TRAPPC8: variants seen among roughly 807,000 people sequenced by gnomAD.
TRAPPC8 encodes the protein general sporulation gene 1 homolog.
TRAPPC8 carries 54 observed loss-of-function variants against 174.3 expected under a neutral mutation model. The ratio of observed to expected loss-of-function variants is 0.31; its 90% CI spans 0.25 to 0.39. The LOEUF is 0.39. Among genes scored for constraint, TRAPPC8 ranks in the 10% least tolerant of loss-of-function variants. TRAPPC8 has a pLI of 1.00. For missense variants in TRAPPC8, 1,531 were observed against 1,699.1 expected (o/e 0.90, Z 1.74); for synonymous variants, 630 against 579.9 (o/e 1.09, Z -1.24).
At chr18:31,913,106 C>G (rs150404351) in intron 5 of TRAPPC8, among the ~76,000 whole-genome samples, 13 of 150,954 alleles carry the variant, frequency 8.6e-5, no homozygotes, top group African/African-American at 2.9e-4. Context: ...CCAGCCTGGG[C>G]GACAGAGCAA....
chr18:31,908,848 G>C lies in TRAPPC8; in HGVS notation c.1028C>G (p.Thr343Ser). 6.2e-7 allele frequency: 1 copy of C among 1,613,738 alleles called. No individual in the cohort carries two copies. Among genetic ancestry groups the C allele is most frequent in the Non-Finnish European group, 8.5e-7 (1 of 1,179,786 alleles). ...AAACTGTCGAATTCTATCATGATCA[G>C]TAAGTGTTAAACATGCACCATGAAT... ...GIIHGACLTL[T>S]DHDRIRQFIQ... Residue 343 changes from threonine (T) to serine (S), a missense_variant, in exon 7 of 29, where the codon ACT becomes AGT. By Grantham distance (58) the Thr-to-Ser change is moderately conservative (BLOSUM62 1). Transcript: ENST00000283351.
intron 18 of TRAPPC8, among the ~76,000 whole-genome samples, chr18:31,866,082 TA>T (rs1467026473): frequency 1.3e-5 from 2 of 152,080 alleles, no homozygotes; most frequent in Non-Finnish European, 2.9e-5. Flanking sequence ...TCAATGTTAA[TA>T]ATCAGCTTTT....
At chr18:31,861,529 A>G (rs937587458) in intron 19 of TRAPPC8, among the ~76,000 whole-genome samples, 1 of 152,216 alleles carries the variant, frequency 6.6e-6, no homozygotes, top group Non-Finnish European at 1.5e-5. Flanking sequence ...TAAACAATGT[A>G]AAAGTAAACC....
At chr18:31,928,169 A>T (rs34888238) in intron 2 of TRAPPC8, among the ~76,000 whole-genome samples, 13,747 of 151,076 alleles carry the variant, frequency 0.091, 842 homozygotes, top group African/African-American at 0.17. Flanking sequence ...AAAATAAAAT[A>T]AAATAAAATA....
In TRAPPC8 at chr18:31,839,336, A is replaced by T. The variant is rs1209403675; in HGVS notation, c.3959T>A (p.Phe1320Tyr). Residue 1320 changes from phenylalanine to tyrosine, a missense_variant, in exon 27 of 29, where the codon TTT becomes TAT. Physicochemically the swap from Phe to Tyr is conservative, Grantham distance 22 (BLOSUM62 3). Coordinates refer to ENST00000283351, the MANE Select transcript of TRAPPC8 (RefSeq NM_014939.5). ...IKTSLHYPESFNHPFHQKSLC... is the reference protein window; with the variant it reads ...IKTSLHYPESYNHPFHQKSLC... ...CCTTTTTTGATGAAATGGATGATTA[A>T]ATGATTCTGGGTAGTGAAGACTCGT... The T allele has an allele frequency of 6.2e-7, 1 of 1,601,500 alleles. No homozygotes were observed. The highest frequency in any genetic ancestry group is 8.5e-7 in the Non-Finnish European group (1 of 1,174,936).
intron 19 of TRAPPC8, among the ~76,000 whole-genome samples, chr18:31,858,405 A>G (rs2034147938): frequency 6.6e-6 from 1 of 152,224 alleles, no homozygotes; most frequent in Non-Finnish European, 1.5e-5. Context: ...AAGATATGCC[A>G]GATTTACTAT....
intron 9 of TRAPPC8, among the ~76,000 whole-genome samples, chr18:31,906,972 T>C (rs904345674): frequency 1.3e-5 from 2 of 152,018 alleles, no homozygotes; most frequent in African/African-American, 4.8e-5. Context: ...TTAAAAATGT[T>C]TGTCAAGGTT....
At chr18:31,938,501 A>G (rs1307707244) in intron 1 of TRAPPC8, among the ~76,000 whole-genome samples, 1 of 152,140 alleles carries the variant, frequency 6.6e-6, no homozygotes, top group African/African-American at 2.4e-5. Context: ...AATAGTACTC[A>G]AATCTCTTCT....
At chr18:31,845,813 T>C (rs2033370624) in intron 26 of TRAPPC8, among the ~76,000 whole-genome samples, 1 of 152,178 alleles carries the variant, frequency 6.6e-6, no homozygotes. Context: ...GGTGGGGCCC[T>C]GAAAATTAAG....
At chr18:31,932,392 A>G (rs565573884) in intron 1 of TRAPPC8, among the ~76,000 whole-genome samples, 1 of 151,316 alleles carries the variant, frequency 6.6e-6, no homozygotes, top group East Asian at 1.9e-4. Context: ...GCACTGCTGC[A>G]CTCTAGCTTG....
chr18:31,905,972 A>G (rs1160353449), intron 9 of TRAPPC8, among the ~76,000 whole-genome samples: 2 of 152,140 alleles, frequency 1.3e-5, no homozygotes, highest in African/African-American at 4.8e-5. Context: ...CTTAAATTGG[A>G]TGACTATAAT....
chr18:31,912,062 T>C (rs17742105), intron 5 of TRAPPC8, among the ~76,000 whole-genome samples: 38,205 of 151,650 alleles, frequency 0.25, 5,370 homozygotes, highest in South Asian at 0.52. Flanking sequence ...GAACTCGAGG[T>C]TAAGAAAGGA....
intron 1 of TRAPPC8, among the ~76,000 whole-genome samples, chr18:31,936,951 G>A (rs1208282648): frequency 2.1e-5 from 3 of 142,966 alleles, no homozygotes; most frequent in Non-Finnish European, 3.0e-5. Flanking sequence ...GGTGGCTCAC[G>A]CCTGTAATCC....
In TRAPPC8 at chr18:31,834,373, G is replaced by A. The variant is rs776537146; in HGVS notation, c.3984-2200C>T. Among the ~76,000 whole-genome samples the A allele has an allele frequency of 5.3e-5, 8 of 152,246 alleles. 1 individual carries two copies. The highest frequency in any genetic ancestry group is 1.3e-4 in the Admixed American group (2 of 15,298). On this transcript the variant is annotated intron_variant, in intron 27 of 28. Transcript: ENST00000283351. ...GATCCGCCCGCCTTGGCCTCCCAAA[G>A]TGCTGGGATTACAGGTGTGTGCCAC... is the stretch of plus-strand genomic sequence containing the variant.
intron 1 of TRAPPC8, 25 bp downstream of exon 1, chr18:31,942,583 C>A: frequency 6.7e-7 from 1 of 1,501,242 alleles, no homozygotes; most frequent in South Asian, 1.3e-5. Flanking sequence ...CGGGAGCCCA[C>A]TGGAAAAGGG....
At chr18:31,841,081 T>C (rs1482915140) in intron 26 of TRAPPC8, among the ~76,000 whole-genome samples, 6 of 152,138 alleles carry the variant, frequency 3.9e-5, no homozygotes, top group Non-Finnish European at 2.9e-5. Context: ...TATACAAATG[T>C]ATGAAAATTG....
chr18:31,890,943 T>C, intron 11 of TRAPPC8, 77 bp from the exon 12 acceptor site: 1 of 1,377,320 alleles, frequency 7.3e-7, no homozygotes, highest in Non-Finnish European at 9.8e-7. Flanking sequence ...AAAAAACATT[T>C]AATTTCTTAA....
chr18:31,899,556 T>C (rs888953451), intron 10 of TRAPPC8, among the ~76,000 whole-genome samples: 2 of 152,226 alleles, frequency 1.3e-5, no homozygotes, highest in Non-Finnish European at 1.5e-5. Flanking sequence ...GTCGGATTAA[T>C]CTTTCCGAAA....
chr18:31,867,383 G>A lies in TRAPPC8; in HGVS notation c.2463+19C>T, dbSNP rs767815079. ...TACTTTCAGAAAGGCATAAAGCAGA[G>A]AAATGATAAAATAATTACCACTTTT... On this transcript the variant is annotated intron_variant, in intron 17 of 28. Coordinates refer to ENST00000283351, the MANE Select transcript of TRAPPC8 (RefSeq NM_014939.5). 2 of 1,540,920 alleles carry A rather than the reference G, an allele frequency of 1.3e-6. No homozygotes were observed. The highest frequency in any genetic ancestry group is 1.1e-5 in the South Asian group (1 of 88,550).
Sources: allele counts gnomAD v4.1 joint callset (sites outside exome capture counted in the v4.1 genomes callset), GRCh38; gene constraint gnomAD v4.1.1; transcripts MANE v1.5; gene names NCBI Gene and HGNC (gene_info 2026-07-23, HGNC 2026-07-21).